PDE1B: variants seen among roughly 807,000 people sequenced by gnomAD.
PDE1B encodes the protein dual specificity calcium/calmodulin-dependent 3',5'-cyclic nucleotide phosphodiesterase 1B.
Under a neutral mutation model 66.7 loss-of-function variants are expected in PDE1B, and 13 were observed. The observed-to-expected ratio is 0.19, with a 90% CI of 0.13 to 0.31. The LOEUF is 0.31. Ranked by LOEUF, PDE1B falls within the 10% of genes least tolerant of loss-of-function variation. The pLI, the probability that PDE1B is intolerant of heterozygous loss-of-function variation, is 1.00. For missense variants in PDE1B, 485 were observed against 682.3 expected (o/e 0.71, Z 3.22); for synonymous variants, 230 against 253.9 (o/e 0.91, Z 0.90).
chr12:54,569,265 C>T lies in PDE1B; in HGVS notation c.309C>T (p.Ser103=), dbSNP rs758093693. Residue 103 remains serine (S), a synonymous_variant, in exon 4 of 16, where the codon TCC becomes TCT. Transcript: ENST00000243052. The surrounding 1 kb of genome is among the most constrained non-coding windows in gnomAD (Gnocchi z 4.4). The part of the protein sequence containing the change: ...VPSEVRDWLA[S]TFTQQARAKG... The stretch of plus-strand genomic sequence containing the variant: ...CGGAGGTGCGGGACTGGCTGGCCTC[C>T]ACCTTCACCCAGCAGGCCCGGGCCA... The T allele has an allele frequency of 2.5e-6, 4 of 1,613,962 alleles. No individual in the cohort carries two copies. In the South Asian group the frequency reaches 3.3e-5, roughly 13 times the overall value.
chr12:54,570,396 TC>T, intron 6 of PDE1B, 39 bp downstream of exon 6: 1 of 1,094,268 alleles, frequency 9.1e-7, no homozygotes, highest in Non-Finnish European at 1.4e-6. Flanking sequence ...GGCAGGATTC[TC>T]CACTCCTCTC....
chr12:54,577,543 C>G (rs751384306), intron 15 of PDE1B, 198 bp downstream of exon 15: 20 of 1,546,422 alleles, frequency 1.3e-5, no homozygotes, highest in Non-Finnish European at 1.7e-5. Flanking sequence ...CCCCCAGTCC[C>G]TGCAGGAACA....
chr12:54,577,096 G>A (rs1002697548), intron 14 of PDE1B, 129 bp from the exon 15 acceptor site: 2 of 808,686 alleles, frequency 2.5e-6, no homozygotes, highest in Non-Finnish European at 4.0e-6. Context: ...AGTGGGGATG[G>A]GTTGAATGTA....
Position 54,575,839 on chromosome 12 carries a change from AAGCC to A in PDE1B, c.1268-152_1268-149del. ...TCTGGGGCACCAAGACATCATCCCA[AAGCC>A]TGCCCTGCATTGGGAAGTTTTCAGC... On this transcript the variant is annotated intron_variant, in intron 12 of 15. Transcript: ENST00000243052. This position sits in a 1 kb window ranked among gnomAD's most constrained non-coding sequence, Gnocchi z 4.0. 1.3e-6 allele frequency: 1 copy of A among 744,838 alleles called. No homozygotes were observed. The highest frequency in any genetic ancestry group is 2.4e-6 in the Non-Finnish European group (1 of 423,618). 46.1% of individuals were successfully genotyped at this position (744,838 alleles called of 1,614,324 possible).
intron 2 of PDE1B, among the ~76,000 whole-genome samples, chr12:54,551,760 G>T (rs998137510): frequency 6.6e-6 from 1 of 152,180 alleles, no homozygotes; most frequent in Non-Finnish European, 1.5e-5. Context: ...AGTGCTCAGT[G>T]GTGAGAGAAG....
chr12:54,565,514 C>G (rs1957498379), intron 2 of PDE1B, among the ~76,000 whole-genome samples: 1 of 152,336 alleles, frequency 6.6e-6, no homozygotes, highest in African/African-American at 2.4e-5. Context: ...CCTAATGAAG[C>G]TGGAGCTGGG....
At chr12:54,560,033 G>A (rs1957385974) in intron 2 of PDE1B, among the ~76,000 whole-genome samples, 2 of 152,142 alleles carry the variant, frequency 1.3e-5, no homozygotes, top group African/African-American at 4.8e-5. Context: ...GAGGGTGGTG[G>A]TGGGACACAG....
chr12:54,575,062 A>G lies in PDE1B; in HGVS notation c.1065-36A>G. On this transcript the variant is annotated intron_variant, in intron 10 of 15. Transcript: ENST00000243052. The surrounding 1 kb of genome is among the most constrained non-coding windows in gnomAD (Gnocchi z 4.0). ...GGTCCTAACTTCCTTTTCCTAAAAGATCAGTCTCCCTTCCCTTGCCATCTG... is the reference window on the plus strand; with the variant it reads ...GGTCCTAACTTCCTTTTCCTAAAAGGTCAGTCTCCCTTCCCTTGCCATCTG... 6.2e-7 allele frequency: 1 copy of G among 1,602,104 alleles called. No individual in the cohort carries two copies. Among genetic ancestry groups the G allele is most frequent in the Non-Finnish European group, 8.5e-7 (1 of 1,171,314 alleles).
chr12:54,559,086 G>C (rs555740807), intron 2 of PDE1B, among the ~76,000 whole-genome samples: 1 of 152,298 alleles, frequency 6.6e-6, no homozygotes, highest in East Asian at 1.9e-4. Context: ...AACTGAGCTA[G>C]CCAGAAAAGT....
Position 54,569,418 on chromosome 12 carries a change from T to A in PDE1B, c.410+52T>A. 1.9e-6 allele frequency: 3 copies of A among 1,589,336 alleles called. No homozygotes were observed. Among genetic ancestry groups the A allele is most frequent in the Non-Finnish European group, 2.6e-6 (3 of 1,165,704 alleles). On this transcript the variant is annotated intron_variant, in intron 4 of 15. Coordinates refer to ENST00000243052, the MANE Select transcript of PDE1B (RefSeq NM_000924.4). This position sits in a 1 kb window ranked among gnomAD's most constrained non-coding sequence, Gnocchi z 4.4. ...CTCTGCCTTTAGCTGTGCCCCTCTT[T>A]CCCAGCCACCCTGGTCTTCCATGAC...
At chr12:54,561,161 A>G (rs1489754279) in intron 2 of PDE1B, among the ~76,000 whole-genome samples, 2 of 152,054 alleles carry the variant, frequency 1.3e-5, no homozygotes, top group South Asian at 4.1e-4. Context: ...CCCTCCCGCT[A>G]CAGACCTCCT....
intron 2 of PDE1B, among the ~76,000 whole-genome samples, chr12:54,559,219 C>A (rs1957375147): frequency 1.3e-5 from 2 of 148,160 alleles, no homozygotes; most frequent in South Asian, 2.2e-4. Context: ...AGCACCCACC[C>A]CTTTACCCCC....
chr12:54,558,964 C>G (rs1021213190), intron 2 of PDE1B, among the ~76,000 whole-genome samples: 5 of 152,134 alleles, frequency 3.3e-5, no homozygotes, highest in African/African-American at 4.8e-5. Context: ...ATTATTTACC[C>G]ATTTTACAGA....
At chr12:54,570,463 C>A (rs969995373) in intron 6 of PDE1B, 106 bp downstream of exon 6, 6 of 744,298 alleles carry the variant, frequency 8.1e-6, no homozygotes, top group Non-Finnish European at 1.5e-5. Flanking sequence ...CTCACTCAGT[C>A]TCAACATCAG....
rs755469004 is a variant in PDE1B, at chr12:54,575,072, C to T, written c.1065-26C>T. On this transcript the variant is annotated intron_variant, in intron 10 of 15. Coordinates refer to ENST00000243052, the MANE Select transcript of PDE1B (RefSeq NM_000924.4). This position sits in a 1 kb window ranked among gnomAD's most constrained non-coding sequence, Gnocchi z 4.0. ...TCCTTTTCCTAAAAGATCAGTCTCC[C>T]TTCCCTTGCCATCTGCCCCAACCAG... 1.7e-5 allele frequency: 27 copies of T among 1,609,738 alleles called. 1 individual carries two copies. The East Asian group carries it at 5.1e-4, about 31-fold the overall frequency.
At chr12:54,568,941 C>A (rs1042447760) in intron 3 of PDE1B, among the ~76,000 whole-genome samples, 1 of 152,172 alleles carries the variant, frequency 6.6e-6, no homozygotes, top group Non-Finnish European at 1.5e-5. Flanking sequence ...CTGAAAGATG[C>A]GTTCCATTTC....
chr12:54,577,743 G>A (rs1957788944), intron 15 of PDE1B, 117 bp from the exon 16 acceptor site: 1 of 502,352 alleles, frequency 2.0e-6, no homozygotes. Context: ...CCTTCTGAAG[G>A]GCATTTTTTG....
intron 10 of PDE1B, 200 bp from the exon 11 acceptor site, chr12:54,574,898 C>G (rs1205158205): frequency 4.8e-6 from 2 of 420,196 alleles, no homozygotes; most frequent in African/African-American, 4.1e-5. Context: ...TCACTTGAAC[C>G]CAGGTGACAG....
At chr12:54,577,656 G>T in intron 15 of PDE1B, 1 of 1,138,730 alleles carries the variant, frequency 8.8e-7, no homozygotes, top group Non-Finnish European at 1.2e-6. Flanking sequence ...AAGGAGCCCA[G>T]CCAGGGCACA....
Sources: gnomAD v4.1 joint callset for allele counts (sites outside exome capture counted in the v4.1 genomes callset) on GRCh38, gnomAD v4.1.1 for gene constraint, Gnocchi (gnomAD v3.1) non-coding constraint, MANE v1.5 for transcripts, NCBI Gene and HGNC (gene_info 2026-07-23, HGNC 2026-07-21) for gene names.